FLT4: variants seen among roughly 807,000 people sequenced by gnomAD.
The protein encoded by FLT4 is fms related receptor tyrosine kinase 4.
FLT4 carries 30 observed loss-of-function variants against 163.2 expected under a neutral mutation model. That is an observed-to-expected ratio of 0.18 (90% confidence interval 0.14 to 0.25). FLT4 has a LOEUF of 0.25. Ranked by LOEUF, FLT4 falls within the 10% of genes least tolerant of loss-of-function variation. The pLI is 1.00. For synonymous variants in FLT4, 884 were observed against 789.5 expected, an observed-to-expected ratio of 1.12 and a Z score of -2.01; for missense variants, 1,510 against 1,863.8, an observed-to-expected ratio of 0.81 and a Z score of 3.50.
In FLT4 at chr5:180,623,563, G is replaced by A. The variant is rs575772376; in HGVS notation, c.1548+372C>T. 3.9e-5 allele frequency among the ~76,000 whole-genome samples: 6 copies of A among 152,234 alleles called. No individual in the cohort carries two copies. Among genetic ancestry groups the A allele is most frequent in the East Asian group, 1.9e-4 (1 of 5,168 alleles). ...TGCCTTTGTTCAGTACCCCCTTCTC[G>A]GCGTTGCCCCCAGGCTGCGCCAGCG... On this transcript the variant is annotated intron_variant, in intron 11 of 29. Transcript: ENST00000261937. The surrounding 1 kb of genome is among the most constrained non-coding windows in gnomAD (Gnocchi z 5.8).
Position 180,602,780 on chromosome 5 carries a change from C to T in FLT4, c.*412G>A, listed in dbSNP as rs891706384. ...AGGGCGTTTGGGAGACCTCTGCTCTCGTATGCCTTAACCTCCAACACTGTG... is the reference window on the plus strand; with the variant it reads ...AGGGCGTTTGGGAGACCTCTGCTCTTGTATGCCTTAACCTCCAACACTGTG... On this transcript the variant is annotated 3_prime_UTR_variant, in exon 30 of 30. Transcript: ENST00000261937. 7 of 495,276 alleles carry T rather than the reference C, an allele frequency of 1.4e-5. No individual in the cohort carries two copies. The highest frequency in any genetic ancestry group is 7.7e-5 in the African/African-American group (4 of 52,144). 30.7% of individuals were successfully genotyped at this position (495,276 alleles called of 1,614,324 possible).
At chr5:180,613,889 GAGGCTGGGCC>G (rs1762409276) in intron 24 of FLT4, 169 bp downstream of exon 24, 1 of 677,612 alleles carries the variant, frequency 1.5e-6, no homozygotes, top group South Asian at 1.5e-5. Context: ...AGTCCTCTCG[GAGGCTGGGCC>G]AGGCTGGGGA....
At chr5:180,634,422 G>C (rs185154531) in intron 1 of FLT4, among the ~76,000 whole-genome samples, 2 of 152,244 alleles carry the variant, frequency 1.3e-5, no homozygotes, top group Admixed American at 1.3e-4. Flanking sequence ...GGATGGATGG[G>C]CCAGGCGTGG....
rs938103588 is a variant in FLT4, at chr5:180,611,440, T to C, written c.3577A>G (p.Ser1193Gly). The C allele has an allele frequency of 6.2e-7, 1 of 1,613,778 alleles. No individual in the cohort carries two copies. The highest frequency in any genetic ancestry group is 1.7e-5 in the Admixed American group (1 of 59,992). Reference sequence around the variant, plus strand: ...TGCGAGAAGCTGCCCTCTTCTGAGCTCTGAGAGCTGCGCGGGGCCATGCAG... The same window carrying C: ...TGCGAGAAGCTGCCCTCTTCTGAGCCCTGAGAGCTGCGCGGGGCCATGCAG... ...EVCMAPRSSQ[S>G]SEEGSFSQVS... The change falls in exon 27 of 30, where the codon AGC becomes GGC. Residue 1193 changes from serine to glycine, a missense_variant. Physicochemically the swap from Ser to Gly is moderately conservative, Grantham distance 56. This residue lies in a region of FLT4 where 295 missense variants were observed against 311.0 expected (regional missense o/e 0.95). Coordinates refer to ENST00000261937, the MANE Select transcript of FLT4 (RefSeq NM_182925.5).
At chr5:180,631,327 G>T (rs113061939) in intron 2 of FLT4, among the ~76,000 whole-genome samples, 1,808 of 152,182 alleles carry the variant, frequency 0.012, 30 homozygotes, top group African/African-American at 0.041. Flanking sequence ...CAAAAAATTA[G>T]CCGGGCGTGG....
intron 1 of FLT4, among the ~76,000 whole-genome samples, chr5:180,635,936 G>T (rs369419184): frequency 6.9e-5 from 9 of 130,930 alleles, no homozygotes; most frequent in African/African-American, 2.6e-4. Context: ...TGGATGGACG[G>T]ATGGAAGTAT....
intron 23 of FLT4, among the ~76,000 whole-genome samples, chr5:180,615,199 G>A (rs1210671913): frequency 8.7e-6 from 1 of 115,502 alleles, no homozygotes; most frequent in African/African-American, 3.0e-5. Context: ...GGGCCCCGCT[G>A]GTCACCTCCC....
Position 180,616,307 on chromosome 5 carries a change from T to C in FLT4, c.3219+60A>G. 6.2e-6 allele frequency: 10 copies of C among 1,610,248 alleles called. 1 individual carries two copies. In the South Asian group the frequency reaches 9.9e-5, roughly 16 times the overall value. ...CTCCCTCTCCTGGACAGGCAGTCTG[T>C]GGTCCCACCCCTTCACCTGTTCCGC... On this transcript the variant is annotated intron_variant, in intron 23 of 29. Coordinates refer to ENST00000261937, the MANE Select transcript of FLT4 (RefSeq NM_182925.5).
At chr5:180,604,149 T>C (rs1239885112) in intron 29 of FLT4, among the ~76,000 whole-genome samples, 3 of 152,148 alleles carry the variant, frequency 2.0e-5, no homozygotes, top group African/African-American at 7.2e-5. Flanking sequence ...CGGATCGATC[T>C]GATCCAGCAC....
chr5:180,603,307 G>C lies in FLT4; in HGVS notation c.3977C>G (p.Ala1326Gly), dbSNP rs766308772. Residue 1326 changes from alanine (A) to glycine (G), a missense_variant, in exon 30 of 30, where the codon GCC (alanine) becomes GGC (glycine). This residue lies in a region of FLT4 where 295 missense variants were observed against 311.0 expected (regional missense o/e 0.95). Coordinates refer to ENST00000261937, the MANE Select transcript of FLT4 (RefSeq NM_182925.5). Reference sequence around the variant, plus strand: ...GTTGTAAAACACCTGGCCTCCTCGGGCCCCCCGCTCAGGCCGCCGCCGCCT... The same window carrying C: ...GTTGTAAAACACCTGGCCTCCTCGGCCCCCCCGCTCAGGCCGCCGCCGCCT... ...QGRRRRPERG[A>G]RGGQVFYNSE... 1.9e-6 allele frequency: 3 copies of C among 1,613,910 alleles called. No individual in the cohort carries two copies. The highest frequency in any genetic ancestry group is 1.7e-6 in the Non-Finnish European group (2 of 1,179,942).
intron 1 of FLT4, 61 bp downstream of exon 1, chr5:180,649,427 C>T: frequency 7.7e-7 from 1 of 1,294,872 alleles, no homozygotes; most frequent in Non-Finnish European, 1.0e-6. Context: ...GCCCCAGGTG[C>T]GCGGTACCCC....
chr5:180,634,265 G>C (rs1764387761), intron 1 of FLT4, among the ~76,000 whole-genome samples: 1 of 152,196 alleles, frequency 6.6e-6, no homozygotes, highest in Non-Finnish European at 1.5e-5. Context: ...GGCAGCATCA[G>C]CCTCCTCCTC....
intron 1 of FLT4, among the ~76,000 whole-genome samples, chr5:180,646,056 C>G (rs571353219): frequency 2.6e-5 from 4 of 152,084 alleles, no homozygotes; most frequent in East Asian, 1.9e-4. Context: ...GCAGCTGATT[C>G]GCTTAATTTC....
intron 1 of FLT4, 143 bp downstream of exon 1, chr5:180,649,345 C>T (rs1393014651): frequency 5.9e-6 from 3 of 507,660 alleles, no homozygotes; most frequent in African/African-American, 2.0e-5. Flanking sequence ...AAGCGCCGTG[C>T]TCCCCTCAGG....
intron 1 of FLT4, among the ~76,000 whole-genome samples, chr5:180,647,427 C>T (rs1327130625): frequency 2.0e-5 from 3 of 152,054 alleles, no homozygotes; most frequent in Non-Finnish European, 4.4e-5. Context: ...AAGGAGGGGG[C>T]CCAGGTCACA....
chr5:180,608,763 G>A (rs779503412), intron 29 of FLT4, among the ~76,000 whole-genome samples: 23 of 152,184 alleles, frequency 1.5e-4, no homozygotes, highest in Non-Finnish European at 1.5e-4. Flanking sequence ...CAGCGCCCAC[G>A]TGGCCAGCAT....
chr5:180,648,770 A>G (rs533982366), intron 1 of FLT4, among the ~76,000 whole-genome samples: 88 of 151,880 alleles, frequency 5.8e-4, no homozygotes, highest in African/African-American at 2.0e-3. Flanking sequence ...TGTGCAGGGG[A>G]CCCTCCCGCG....
chr5:180,616,499 G>C lies in FLT4; in HGVS notation c.3097-10C>G. ...GGTCTCTGTGGATGCACTGGGGTGC[G>C]GGGAGGCGGCAGGGGGGCTGTCAGT... On this transcript the variant is annotated splice_polypyrimidine_tract_variant and intron_variant, in intron 22 of 29. Transcript: ENST00000261937. 2 of 1,613,488 alleles carry C rather than the reference G, an allele frequency of 1.2e-6. No individual in the cohort carries two copies. Among genetic ancestry groups the C allele is most frequent in the Middle Eastern group, 1.6e-4 (1 of 6,062 alleles).
At chr5:180,644,059 C>A (rs558349323) in intron 1 of FLT4, among the ~76,000 whole-genome samples, 17 of 152,290 alleles carry the variant, frequency 1.1e-4, no homozygotes, top group African/African-American at 4.1e-4. Flanking sequence ...CCTTGTGATC[C>A]GCCCGCCTTG....
Sources: gnomAD v4.1 joint callset for allele counts (sites outside exome capture counted in the v4.1 genomes callset) on GRCh38, gnomAD v4.1.1 for gene constraint, gnomAD v4.1.1 regional missense constraint, Gnocchi (gnomAD v3.1) non-coding constraint, MANE v1.5 for transcripts, NCBI Gene and HGNC (gene_info 2026-07-23, HGNC 2026-07-21) for gene names.